The following CHRNA5 variants were observed in gnomAD, a reference collection of about 807,000 sequenced individuals.
The protein encoded by CHRNA5 is neuronal acetylcholine receptor subunit alpha-5.
CHRNA5 carries 28 observed loss-of-function variants against 41.2 expected under a neutral mutation model. That is an observed-to-expected ratio of 0.68 (90% CI 0.50 to 0.93). The LOEUF (loss-of-function observed/expected upper bound fraction) is 0.93. Among genes scored for constraint, CHRNA5 ranks in the 40% least tolerant of loss-of-function variants. The pLI is 0.00. For missense variants in CHRNA5, 481 were observed against 581.9 expected (o/e 0.83, Z 1.78); for synonymous variants, 188 against 205.8 (o/e 0.91, Z 0.74).
intron 1 of CHRNA5, among the ~76,000 whole-genome samples, chr15:78,566,885 A>G (rs144986108): frequency 1.3e-5 from 2 of 152,354 alleles, no homozygotes; most frequent in African/African-American, 4.8e-5. Flanking sequence ...TTTTGGAGCC[A>G]GGCAAACCTG....
intron 1 of CHRNA5, among the ~76,000 whole-genome samples, chr15:78,580,279 CAA>C (rs71148541): frequency 1.9e-4 from 12 of 61,994 alleles, no homozygotes; most frequent in Admixed American, 2.2e-4. Flanking sequence ...GACTCCGTCT[CAA>C]AAAAAAAAAA....
intron 1 of CHRNA5, among the ~76,000 whole-genome samples, chr15:78,576,720 G>A (rs1254353799): frequency 2.0e-5 from 3 of 151,228 alleles, no homozygotes; most frequent in African/African-American, 7.3e-5. Context: ...GATTGCTTGA[G>A]TCCAGGAGTT....
intron 1 of CHRNA5, among the ~76,000 whole-genome samples, chr15:78,575,197 T>C (rs1052027190): frequency 2.1e-4 from 32 of 152,116 alleles, no homozygotes; most frequent in African/African-American, 7.2e-4. Context: ...TTCTCCCAGT[T>C]CCTCAAACTT....
At chr15:78,583,777 G>GT (rs1447306006) in intron 2 of CHRNA5, among the ~76,000 whole-genome samples, 3 of 152,160 alleles carry the variant, frequency 2.0e-5, no homozygotes, top group Non-Finnish European at 4.4e-5. Context: ...GGTTTGAGGT[G>GT]TTAATTCCAA....
At chr15:78,575,082 T>C (rs1178625917) in intron 1 of CHRNA5, among the ~76,000 whole-genome samples, 2 of 152,152 alleles carry the variant, frequency 1.3e-5, no homozygotes, top group Non-Finnish European at 2.9e-5. Context: ...TGCAGTTCTG[T>C]GTCCTTTCCT....
At chr15:78,566,608 A>T (rs1181814915) in intron 1 of CHRNA5, among the ~76,000 whole-genome samples, 2 of 152,244 alleles carry the variant, frequency 1.3e-5, no homozygotes, top group African/African-American at 2.4e-5. Context: ...TAAGCAAGAT[A>T]TGATTACAGA....
At chr15:78,567,268 GAAAA>G (rs1383433117) in intron 1 of CHRNA5, among the ~76,000 whole-genome samples, 3 of 76,876 alleles carry the variant, frequency 3.9e-5, no homozygotes, top group Non-Finnish European at 1.0e-4. Context: ...AAAAAAAAAA[GAAAA>G]GAAAAGAAAT....
intron 1 of CHRNA5, among the ~76,000 whole-genome samples, chr15:78,566,347 A>G (rs2052747228): frequency 6.6e-6 from 1 of 152,168 alleles, no homozygotes; most frequent in Non-Finnish European, 1.5e-5. Context: ...TAGGCGGCCA[A>G]CTTCCCTGGC....
At chr15:78,568,647 C>G (rs1243373355) in intron 1 of CHRNA5, among the ~76,000 whole-genome samples, 2 of 152,022 alleles carry the variant, frequency 1.3e-5, no homozygotes, top group Non-Finnish European at 2.9e-5. Context: ...CCCAACCTCC[C>G]GACAGACCCT....
intron 1 of CHRNA5, among the ~76,000 whole-genome samples, chr15:78,578,847 A>T (rs777384687): frequency 6.6e-6 from 1 of 152,196 alleles, no homozygotes; most frequent in Non-Finnish European, 1.5e-5. Context: ...TCGTAATATC[A>T]TTAGTCTTAA....
In CHRNA5 at chr15:78,567,262, AAAAAAG is replaced by A. The variant is rs1369646237; in HGVS notation, c.106+1442_106+1447del. On this transcript the variant is annotated intron_variant, in intron 1 of 5. Transcript: ENST00000299565. ...AGCGAGACTCCGTCTCAAAAAAAAA[AAAAAAG>A]AAAAGAAAAGAAATGGGGGTAATAA... is the stretch of plus-strand genomic sequence containing the variant. Among the ~76,000 whole-genome samples the A allele has an allele frequency of 2.4e-3, 345 of 146,616 alleles. 2 individuals carry two copies. Among genetic ancestry groups the A allele is most frequent in the African/African-American group, 3.3e-3 (133 of 40,454 alleles).
At position 78,593,000 on chromosome 15, in the gene CHRNA5, C is replaced by T. The variant is rs536798652; in HGVS notation, c.1246-92C>T. The T allele has an allele frequency of 7.3e-5, 108 of 1,479,580 alleles. 1 individual carries two copies. In the South Asian group the frequency reaches 1.1e-3, roughly 15 times the overall value. 91.7% of individuals were successfully genotyped at this position (1,479,580 alleles called of 1,614,324 possible). A position where few individuals can be genotyped will look rare whatever the true frequency, so the allele number is the denominator to read the frequency against. On this transcript the variant is annotated intron_variant, in intron 5 of 5. Coordinates refer to ENST00000299565, the Ensembl canonical transcript of CHRNA5. ...AGAGGCAGCAATGGGAGGCAGAAAT[C>T]GATTTGGCTTCTAACTCAGTGTGTT...
At chr15:78,569,010 T>C (rs2052774865) in intron 1 of CHRNA5, among the ~76,000 whole-genome samples, 1 of 152,244 alleles carries the variant, frequency 6.6e-6, no homozygotes, top group African/African-American at 2.4e-5. Flanking sequence ...ACACACATAC[T>C]GACTGTCAGT....
chr15:78,565,572 GGGAGCTGTGGCGC>G lies in CHRNA5; in HGVS notation c.-142_-130del, dbSNP rs2052738016. 17 of 221,208 alleles carry G rather than the reference GGGAGCTGTGGCGC, an allele frequency of 7.7e-5. No individual in the cohort carries two copies. In the South Asian group the frequency reaches 2.9e-3, roughly 37 times the overall value. 13.7% of individuals were successfully genotyped at this position (221,208 alleles called of 1,614,324 possible). A position where few individuals can be genotyped will look rare whatever the true frequency, so the allele number is the denominator to read the frequency against. ...GCTAGGCTGAGGCTGCTGTCCCGGC[GGGAGCTGTGGCGC>G]GGAGCGGCCCCTCTGCTGCGTCTGC... is the stretch of plus-strand genomic sequence containing the variant. On this transcript the variant is annotated 5_prime_UTR_variant, in exon 1 of 6. Transcript: ENST00000299565.
exon 6 of CHRNA5, chr15:78,593,312 A>G: frequency 4.1e-6 from 6 of 1,459,144 alleles, no homozygotes; most frequent in Non-Finnish European, 5.5e-6. Flanking sequence ...GATGGCACCT[A>G]TAAAATTATG....
Position 78,588,349 on chromosome 15 carries a change from T to A in CHRNA5, c.339T>A (p.Asp113Glu), listed in dbSNP as rs371640436. ...ATGTAAAATTAAGATGGAACCCTGA[T>A]GACTATGGTGGAATAAAAGTTATAC... The change falls in exon 4 of 6, where the codon GAT (aspartate) becomes GAA (glutamate). Residue 113 changes from aspartate (D) to glutamate (E), a missense_variant. Transcript: ENST00000299565. The surrounding 1 kb of genome is among the most constrained non-coding windows in gnomAD (Gnocchi z 4.1). The A allele has an allele frequency of 1.1e-5, 18 of 1,591,822 alleles. No individual in the cohort carries two copies. Among genetic ancestry groups the A allele is most frequent in the Non-Finnish European group, 1.5e-5 (18 of 1,166,806 alleles).
intron 1 of CHRNA5, among the ~76,000 whole-genome samples, chr15:78,572,671 C>T (rs756270085): frequency 1.2e-4 from 18 of 151,862 alleles, no homozygotes; most frequent in African/African-American, 2.9e-4. Flanking sequence ...TTAGTAGAGA[C>T]GGAGTTTCTC....
chr15:78,577,926 C>CA (rs5813925), intron 1 of CHRNA5, among the ~76,000 whole-genome samples: 9,382 of 129,080 alleles, frequency 0.073, 453 homozygotes, highest in African/African-American at 0.12. Flanking sequence ...GACCCTGTCT[C>CA]AAAAAAAAAA....
chr15:78,577,989 G>A (rs776142081), intron 1 of CHRNA5, among the ~76,000 whole-genome samples: 2 of 151,138 alleles, frequency 1.3e-5, no homozygotes, highest in Non-Finnish European at 2.9e-5. Context: ...TAAATTTTTG[G>A]TATTTCAGGG....
Sources: gnomAD v4.1 joint callset for allele counts (sites outside exome capture counted in the v4.1 genomes callset) on GRCh38, gnomAD v4.1.1 for gene constraint, Gnocchi (gnomAD v3.1) non-coding constraint, MANE v1.5 for transcripts, NCBI Gene and HGNC (gene_info 2026-07-23, HGNC 2026-07-21) for gene names.